Variants in GSK3B observed in about 807,000 individuals in gnomAD.
GSK3B encodes the protein glycogen synthase kinase 3 beta.
A neutral mutation model predicts 56.4 loss-of-function variants in GSK3B; 15 were observed. That is an observed-to-expected ratio of 0.27 (90% CI 0.18 to 0.41). The LOEUF is 0.41. GSK3B is among the 10% of genes least tolerant of loss of function. GSK3B has a pLI of 1.00. For synonymous variants in GSK3B, 181 were observed against 188.9 expected, an observed-to-expected ratio of 0.96 and a Z score of 0.34; for missense variants, 300 against 513.4, an observed-to-expected ratio of 0.58 and a Z score of 4.02.
chr3:120,004,968 C>T (rs2057712663), intron 1 of GSK3B, among the ~76,000 whole-genome samples: 1 of 152,098 alleles, frequency 6.6e-6, no homozygotes, highest in African/African-American at 2.4e-5. Context: ...TCAGTAATAA[C>T]AAACTTCTCC....
At chr3:119,922,520 C>CTATTATTAT (rs539174362) in intron 4 of GSK3B, among the ~76,000 whole-genome samples, 2 of 146,808 alleles carry the variant, frequency 1.4e-5, no homozygotes, top group South Asian at 2.1e-4. Flanking sequence ...TGAAGAACTT[C>CTATTATTAT]TATTATTATT....
chr3:119,980,219 T>G (rs1246466586), intron 2 of GSK3B, among the ~76,000 whole-genome samples: 1 of 152,240 alleles, frequency 6.6e-6, no homozygotes, highest in Non-Finnish European at 1.5e-5. Context: ...ATCTTAAAAG[T>G]TGCCAGCATA....
intron 1 of GSK3B, among the ~76,000 whole-genome samples, chr3:120,007,753 C>T (rs1306574825): frequency 2.0e-5 from 3 of 152,040 alleles, no homozygotes; most frequent in Admixed American, 6.6e-5. Flanking sequence ...AACTTGGTAT[C>T]GATGGAACGT....
intron 1 of GSK3B, chr3:120,041,392 AC>A (rs2058064209): frequency 3.5e-6 from 1 of 286,894 alleles, no homozygotes. Flanking sequence ...ACAGGATGGA[AC>A]CCATACTACA....
At chr3:119,866,590 CCGCA>C in intron 8 of GSK3B, 5 of 1,600,084 alleles carry the variant, frequency 3.1e-6, no homozygotes, top group Non-Finnish European at 3.4e-6. Flanking sequence ...AAGTACATAC[CCGCA>C]CTCCTGAGGT....
intron 3 of GSK3B, among the ~76,000 whole-genome samples, 196 bp downstream of exon 3, chr3:119,947,072 C>T (rs2107491545): frequency 6.6e-6 from 1 of 152,080 alleles, no homozygotes; most frequent in East Asian, 1.9e-4. Flanking sequence ...AAGTGCATTC[C>T]CTTTATCTTA....
intron 1 of GSK3B, among the ~76,000 whole-genome samples, chr3:120,081,681 C>T (rs2058421048): frequency 6.6e-6 from 1 of 152,216 alleles, no homozygotes; most frequent in South Asian, 2.1e-4. Context: ...TGACAAACTG[C>T]CTTCAACTAG....
chr3:120,002,272 G>A, intron 1 of GSK3B, 33 bp from the exon 2 acceptor site: 1 of 1,304,788 alleles, frequency 7.7e-7, no homozygotes, highest in East Asian at 2.6e-5. Flanking sequence ...TTTTTCACGA[G>A]AACTGTAAGG....
intron 2 of GSK3B, among the ~76,000 whole-genome samples, chr3:119,952,395 G>A (rs2057165994): frequency 6.6e-6 from 1 of 151,326 alleles, no homozygotes; most frequent in Non-Finnish European, 1.5e-5. Context: ...GGCGGAGGCA[G>A]GAGAATTGCT....
intron 1 of GSK3B, among the ~76,000 whole-genome samples, chr3:120,033,978 T>A (rs145852325): frequency 6.6e-6 from 1 of 152,210 alleles, no homozygotes; most frequent in Non-Finnish European, 1.5e-5. Context: ...AGTATAAGAA[T>A]AGACTAATAC....
chr3:119,932,262 T>C (rs2056953527), intron 3 of GSK3B, among the ~76,000 whole-genome samples: 1 of 152,228 alleles, frequency 6.6e-6, no homozygotes, highest in Non-Finnish European at 1.5e-5. Context: ...GGACTGGGCA[T>C]TCCAACTGGC....
chr3:119,893,281 G>T (rs1398969005), intron 7 of GSK3B, among the ~76,000 whole-genome samples: 1 of 152,078 alleles, frequency 6.6e-6, no homozygotes, highest in African/African-American at 2.4e-5. Context: ...TTTACTGCAT[G>T]AACCACCGCA....
At chr3:119,913,975 A>T (rs575048288) in intron 5 of GSK3B, among the ~76,000 whole-genome samples, 30 of 152,226 alleles carry the variant, frequency 2.0e-4, no homozygotes, top group African/African-American at 7.2e-4. Flanking sequence ...CTTTTTAATT[A>T]ACAAGATAGA....
intron 10 of GSK3B, among the ~76,000 whole-genome samples, chr3:119,840,140 T>C (rs1169059534): frequency 6.6e-6 from 1 of 152,096 alleles, no homozygotes; most frequent in Non-Finnish European, 1.5e-5. Flanking sequence ...GAAAGAAAAG[T>C]CATAGGTTCT....
At chr3:119,991,021 T>A (rs1481402297) in intron 2 of GSK3B, among the ~76,000 whole-genome samples, 3 of 152,170 alleles carry the variant, frequency 2.0e-5, no homozygotes, top group Non-Finnish European at 2.9e-5. Flanking sequence ...TATCCCTCTA[T>A]ATCCCAATTA....
At chr3:120,071,434 A>G (rs1257859039) in intron 1 of GSK3B, among the ~76,000 whole-genome samples, 3 of 152,170 alleles carry the variant, frequency 2.0e-5, no homozygotes, top group Non-Finnish European at 4.4e-5. Context: ...GCAAGGGAGC[A>G]AGGCTTCATC....
chr3:119,843,424 G>A, intron 9 of GSK3B, 71 bp from the exon 10 acceptor site: 1 of 821,732 alleles, frequency 1.2e-6, no homozygotes, highest in Admixed American at 2.0e-5. Context: ...TTATTGGTAA[G>A]AGTGAAAATA....
intron 7 of GSK3B, among the ~76,000 whole-genome samples, chr3:119,897,592 G>T (rs1559827627): frequency 6.6e-6 from 1 of 151,624 alleles, no homozygotes; most frequent in Non-Finnish European, 1.5e-5. Context: ...CATTTTTCTG[G>T]GGGGAAGTGT....
intron 9 of GSK3B, among the ~76,000 whole-genome samples, chr3:119,862,524 T>TAAAAAA (rs5852229): frequency 1.2e-3 from 131 of 110,174 alleles, no homozygotes; most frequent in East Asian, 1.6e-3. Flanking sequence ...TAGAGTATAA[T>TAAAAAA]AAAAAAAAAA....
Sources: gnomAD v4.1 joint callset for allele counts (sites outside exome capture counted in the v4.1 genomes callset) on GRCh38, gnomAD v4.1.1 for gene constraint, MANE v1.5 for transcripts, NCBI Gene and HGNC (gene_info 2026-07-23, HGNC 2026-07-21) for gene names.